The following DAGLA variants were observed in gnomAD, a reference collection of about 807,000 sequenced individuals.
The protein encoded by DAGLA is diacylglycerol lipase-alpha.
A neutral mutation model predicts 102.6 loss-of-function variants in DAGLA; 22 were observed. That is an observed-to-expected ratio of 0.21 (90% CI 0.15 to 0.31). The LOEUF is 0.31. Ranked by LOEUF, DAGLA falls within the 10% of genes least tolerant of loss-of-function variation. The probability of loss-of-function intolerance (pLI) is 1.00; values close to 1 mark genes in which losing one functional copy is unlikely to be tolerated. For synonymous variants in DAGLA, 578 were observed against 628.9 expected, an observed-to-expected ratio of 0.92 and a Z score of 1.21; for missense variants, 927 against 1,446.6, an observed-to-expected ratio of 0.64 and a Z score of 5.83.
chr11:61,736,964 A>G (rs1839417123), intron 13 of DAGLA, among the ~76,000 whole-genome samples: 1 of 152,242 alleles, frequency 6.6e-6, no homozygotes, highest in African/African-American at 2.4e-5. Flanking sequence ...CCTCTGAGCA[A>G]GGTTTGGAAG....
chr11:61,720,928 C>G, intron 3 of DAGLA, 38 bp downstream of exon 3: 1 of 1,571,268 alleles, frequency 6.4e-7, no homozygotes, highest in Non-Finnish European at 8.7e-7. Context: ...CCCCAGACAA[C>G]TCCCACCTCT....
rs985046637 is a variant in DAGLA, at chr11:61,723,021, A to G, written c.409+61A>G. The G allele has an allele frequency of 2.3e-6, 3 of 1,319,714 alleles. No individual in the cohort carries two copies. In the African/African-American group the frequency reaches 4.3e-5, roughly 19 times the overall value. 81.8% of individuals were successfully genotyped at this position (1,319,714 alleles called of 1,614,324 possible). On this transcript the variant is annotated intron_variant, in intron 4 of 19. Coordinates refer to ENST00000257215, the MANE Select transcript of DAGLA (RefSeq NM_006133.3). ...CCCCGGGGGCACAGGGGACGAGATC[A>G]GTTTAGAGAGGAAGAAGCTTGGGCA...
At chr11:61,707,943 A>G (rs2135567505) in intron 1 of DAGLA, among the ~76,000 whole-genome samples, 1 of 152,324 alleles carries the variant, frequency 6.6e-6, no homozygotes, top group South Asian at 2.1e-4. Context: ...TTTTATTTAA[A>G]GGGCATTTAG....
In DAGLA at chr11:61,684,715, A is replaced by G. The variant is rs2064972647; in HGVS notation, c.-45+4211A>G. 6.6e-6 allele frequency among the ~76,000 whole-genome samples: 1 copy of G among 151,954 alleles called. No individual in the cohort carries two copies. The highest frequency in any genetic ancestry group is 1.5e-5 in the Non-Finnish European group (1 of 68,008). On this transcript the variant is annotated intron_variant, in intron 1 of 19. Coordinates refer to ENST00000257215, the MANE Select transcript of DAGLA (RefSeq NM_006133.3). This position sits in a 1 kb window ranked among gnomAD's most constrained non-coding sequence, Gnocchi z 4.5. ...CGTGTGTAAAGTTGCTTGTGCCCAT[A>G]AGTGTTTCTGTGGGAAGTGAGGGCG...
In DAGLA at chr11:61,744,743, G is replaced by T; in HGVS notation, c.*254G>T. On this transcript the variant is annotated 3_prime_UTR_variant, in exon 20 of 20. Transcript: ENST00000257215. Reference sequence around the variant, plus strand: ...TGTGGAGTGGGGAGGAGCCTGGGCAGCCTGCTGGGTGGGCCACACTCAGCC... The same window carrying T: ...TGTGGAGTGGGGAGGAGCCTGGGCATCCTGCTGGGTGGGCCACACTCAGCC... 1 of 445,018 alleles carries T rather than the reference G, an allele frequency of 2.2e-6. No homozygotes were observed. Among genetic ancestry groups the T allele is most frequent in the Middle Eastern group, 5.9e-4 (1 of 1,708 alleles). 27.6% of individuals were successfully genotyped at this position (445,018 alleles called of 1,614,324 possible).
In DAGLA at chr11:61,719,286, G is replaced by T. The variant is rs556334655; in HGVS notation, c.-44-826G>T. 9.2e-5 allele frequency among the ~76,000 whole-genome samples: 14 copies of T among 152,322 alleles called. No individual in the cohort carries two copies. In the South Asian group the frequency reaches 2.9e-3, roughly 32 times the overall value. On this transcript the variant is annotated intron_variant, in intron 1 of 19. Coordinates refer to ENST00000257215, the MANE Select transcript of DAGLA (RefSeq NM_006133.3). ...AAAATCCAGCTGGAAAAGCTGCATG[G>T]CTCAGGGTGGGCTTGGGAGGTATGG... is the stretch of plus-strand genomic sequence containing the variant.
intron 1 of DAGLA, among the ~76,000 whole-genome samples, chr11:61,708,069 G>A (rs11825613): frequency 3.5e-4 from 53 of 152,184 alleles, no homozygotes; most frequent in African/African-American, 8.0e-4. Context: ...GTGCAGTGAC[G>A]CAGTCTCGGC....
chr11:61,695,969 C>T (rs2065061751), intron 1 of DAGLA, among the ~76,000 whole-genome samples: 1 of 152,206 alleles, frequency 6.6e-6, no homozygotes, highest in Non-Finnish European at 1.5e-5. Context: ...CTCCCACCTC[C>T]TTCCCCGCTG....
chr11:61,725,642 C>T (rs1391750376), intron 5 of DAGLA, among the ~76,000 whole-genome samples: 7 of 152,170 alleles, frequency 4.6e-5, no homozygotes, highest in African/African-American at 1.7e-4. Flanking sequence ...GGGTAGCCCC[C>T]ACTTAGGGCT....
At chr11:61,727,579 G>A (rs2065339367) in intron 6 of DAGLA, among the ~76,000 whole-genome samples, 1 of 152,214 alleles carries the variant, frequency 6.6e-6, no homozygotes, top group Non-Finnish European at 1.5e-5. Flanking sequence ...CCAAGGGCCT[G>A]GAGAGAAGCC....
chr11:61,709,539 A>C (rs2065176677), intron 1 of DAGLA, among the ~76,000 whole-genome samples: 1 of 152,142 alleles, frequency 6.6e-6, no homozygotes, highest in African/African-American at 2.4e-5. Context: ...CCTGCCCACT[A>C]TGGCCACCTC....
rs1202985522 is a variant in DAGLA, at chr11:61,737,206, C to T, written c.1396C>T (p.Leu466=). The change falls in exon 14 of 20, where the codon CTG becomes TTG. Residue 466 remains leucine (L), a synonymous_variant. Transcript: ENST00000257215. ...GGGCCGCGGAACCAAACACTACGGC[C>T]TGATTGTGGTGGGCCACTCCCTGGG... ...DLGRGTKHYG[L]IVVGHSLGAG... is the part of the protein sequence containing the mutation. The T allele has an allele frequency of 4.3e-6, 7 of 1,613,600 alleles. No homozygotes were observed. The highest frequency in any genetic ancestry group is 5.9e-6 in the Non-Finnish European group (7 of 1,180,020).
At chr11:61,738,090 C>T (rs1189718447) in intron 15 of DAGLA, 45 bp from the exon 16 acceptor site, 12 of 1,536,314 alleles carry the variant, frequency 7.8e-6, no homozygotes, top group Non-Finnish European at 1.1e-5. Context: ...CTCTCATAGC[C>T]GCTGACCAGG....
intron 1 of DAGLA, among the ~76,000 whole-genome samples, chr11:61,683,585 C>T (rs2064962309): frequency 6.6e-6 from 1 of 152,118 alleles, no homozygotes; most frequent in Admixed American, 6.6e-5. Context: ...TGATTTGTGG[C>T]TCAGCCTTAT....
chr11:61,712,783 C>T (rs372546710), intron 1 of DAGLA, among the ~76,000 whole-genome samples: 32 of 152,312 alleles, frequency 2.1e-4, no homozygotes, highest in Middle Eastern at 3.4e-3. Flanking sequence ...GGGGAAGGTA[C>T]TGTAGCCCCG....
At chr11:61,685,679 G>A (rs991578504) in intron 1 of DAGLA, among the ~76,000 whole-genome samples, 1 of 152,144 alleles carries the variant, frequency 6.6e-6, no homozygotes, top group Non-Finnish European at 1.5e-5. Context: ...TGATGCCAGA[G>A]GTCAAAGGAG....
intron 1 of DAGLA, among the ~76,000 whole-genome samples, chr11:61,699,066 C>T (rs1216181851): frequency 6.6e-6 from 1 of 152,220 alleles, no homozygotes; most frequent in African/African-American, 2.4e-5. Context: ...CTCAGAAAGA[C>T]AGGGCCTCCT....
At chr11:61,712,692 C>G (rs1390183349) in intron 1 of DAGLA, among the ~76,000 whole-genome samples, 1 of 152,204 alleles carries the variant, frequency 6.6e-6, no homozygotes, top group East Asian at 1.9e-4. Context: ...CCAGCCCACA[C>G]GTGCTTTCTC....
intron 1 of DAGLA, among the ~76,000 whole-genome samples, chr11:61,685,985 C>T (rs1173262888): frequency 4.6e-5 from 7 of 152,090 alleles, no homozygotes; most frequent in Admixed American, 6.5e-5. Context: ...AATCTGTGAA[C>T]GCATGGGCAT....
Sources: allele counts gnomAD v4.1 joint callset (sites outside exome capture counted in the v4.1 genomes callset), GRCh38; gene constraint gnomAD v4.1.1; non-coding constraint Gnocchi (gnomAD v3.1); transcripts MANE v1.5; gene names NCBI Gene and HGNC (gene_info 2026-07-23, HGNC 2026-07-21).